Variants in PSD3 observed in about 807,000 individuals in gnomAD.
The protein encoded by PSD3 is pleckstrin and Sec7 domain containing 3, also known as PH and SEC7 domain-containing protein 3.
Under a neutral mutation model 105.5 loss-of-function variants are expected in PSD3, and 49 were observed. That is an observed-to-expected ratio of 0.46 (90% CI 0.37 to 0.59). PSD3 has a LOEUF of 0.59. PSD3 is among the 20% of genes least tolerant of loss of function. The pLI is 0.00. For synonymous variants in PSD3, 557 were observed against 457.8 expected (o/e 1.22, Z -2.77); for missense variants, 1,561 against 1,263.8 (o/e 1.24, Z -3.57).
rs1817421538 is a variant in PSD3 at position 18,872,283 on chromosome 8, A to G, written c.581T>C (p.Leu194Ser). The change falls in exon 3 of 16, where the codon TTA (leucine) becomes TCA (serine). Residue 194 changes from leucine to serine, a missense_variant. Physicochemically the swap from Leu to Ser is moderately radical, Grantham distance 145. Coordinates refer to ENST00000327040, the MANE Select transcript of PSD3 (RefSeq NM_015310.4). ...NKTLPAGQKN[L>S]PEIPLSAEVT... ...TTCAGCTGAAAGAGGTATTTCTGGT[A>G]AATTTTTTTGGCCAGCAGGGAGCGT... 1 of 1,614,076 alleles carries G rather than the reference A, an allele frequency of 6.2e-7. No individual in the cohort carries two copies. Among genetic ancestry groups the G allele is most frequent in the African/African-American group, 1.3e-5 (1 of 74,938 alleles).
At chr8:19,029,920 A>G (rs1256736949) in intron 1 of PSD3, among the ~76,000 whole-genome samples, 1 of 152,148 alleles carries the variant, frequency 6.6e-6, no homozygotes, top group Admixed American at 6.5e-5. Context: ...CTTAATAATG[A>G]TTTTCTACAT....
chr8:18,805,041 T>C (rs1811081925), intron 4 of PSD3, 143 bp from the exon 5 acceptor site: 1 of 759,588 alleles, frequency 1.3e-6, no homozygotes, highest in South Asian at 2.2e-5. Context: ...CATAAAAATT[T>C]TTTCAGTTAC....
intron 1 of PSD3, among the ~76,000 whole-genome samples, chr8:19,026,954 T>C (rs1252735990): frequency 6.6e-6 from 1 of 152,170 alleles, no homozygotes; most frequent in Non-Finnish European, 1.5e-5. Context: ...GAATTCTCTC[T>C]TCTTATTTTG....
chr8:18,619,998 G>C (rs1426306247), intron 11 of PSD3, among the ~76,000 whole-genome samples: 1 of 152,154 alleles, frequency 6.6e-6, no homozygotes, highest in Non-Finnish European at 1.5e-5. Context: ...AGTCTGAAAA[G>C]AGACATTTAT....
At chr8:18,668,434 C>A (rs970787652) in intron 9 of PSD3, among the ~76,000 whole-genome samples, 3 of 152,108 alleles carry the variant, frequency 2.0e-5, no homozygotes, top group Non-Finnish European at 4.4e-5. Context: ...TCAATGAGGC[C>A]CCACTATGTG....
intron 12 of PSD3, among the ~76,000 whole-genome samples, chr8:18,581,149 C>T (rs1802789709): frequency 6.6e-6 from 1 of 152,258 alleles, no homozygotes; most frequent in South Asian, 2.1e-4. Context: ...TATGAAGTTA[C>T]TACCCAAATG....
intron 9 of PSD3, among the ~76,000 whole-genome samples, chr8:18,662,785 A>G (rs1332799658): frequency 6.6e-6 from 1 of 152,172 alleles, no homozygotes; most frequent in Non-Finnish European, 1.5e-5. Flanking sequence ...TCCTCACTAA[A>G]TATTTTTTGC....
chr8:18,675,762 A>T (rs889904835), intron 9 of PSD3, among the ~76,000 whole-genome samples: 1 of 152,224 alleles, frequency 6.6e-6, no homozygotes, highest in Admixed American at 6.5e-5. Flanking sequence ...AATCTTAATT[A>T]AAATTAATGT....
chr8:19,038,434 CT>C (rs1369704246), intron 1 of PSD3, among the ~76,000 whole-genome samples: 1 of 152,130 alleles, frequency 6.6e-6, no homozygotes. Flanking sequence ...TCTATTCCCC[CT>C]AGACCCCACA....
intron 9 of PSD3, among the ~76,000 whole-genome samples, chr8:18,667,105 G>C (rs897635967): frequency 4.6e-5 from 7 of 152,136 alleles, no homozygotes; most frequent in Non-Finnish European, 1.0e-4. Flanking sequence ...AGGCAGTGTG[G>C]AAGGGGACCC....
chr8:18,628,810 A>T (rs1563397116), intron 11 of PSD3, among the ~76,000 whole-genome samples: 1 of 151,890 alleles, frequency 6.6e-6, no homozygotes, highest in Non-Finnish European at 1.5e-5. Flanking sequence ...AAAATAATTA[A>T]AGAAGTACAG....
intron 9 of PSD3, among the ~76,000 whole-genome samples, chr8:18,672,729 T>C (rs1248504736): frequency 2.0e-5 from 3 of 152,226 alleles, no homozygotes; most frequent in Admixed American, 6.5e-5. Context: ...CTTTCACTGA[T>C]ATTTTGCTAT....
At chr8:18,919,560 C>T (rs1347900354) in intron 2 of PSD3, among the ~76,000 whole-genome samples, 5 of 151,876 alleles carry the variant, frequency 3.3e-5, no homozygotes, top group Non-Finnish European at 5.9e-5. Flanking sequence ...GGAAACAGAT[C>T]GTTGGCTTGC....
chr8:18,866,507 G>C (rs1443671779), intron 4 of PSD3, among the ~76,000 whole-genome samples: 1 of 152,204 alleles, frequency 6.6e-6, no homozygotes, highest in Non-Finnish European at 1.5e-5. Context: ...TCCAGTTTCA[G>C]AGAACGTAAG....
intron 9 of PSD3, among the ~76,000 whole-genome samples, chr8:18,761,029 C>T (rs7012651): frequency 0.24 from 36,493 of 152,118 alleles, 6,691 homozygotes; most frequent in East Asian, 0.48. Context: ...AAAGGTTCTT[C>T]AAGATTCCAG....
chr8:18,881,371 G>C (rs1818091336), intron 2 of PSD3, among the ~76,000 whole-genome samples: 1 of 152,134 alleles, frequency 6.6e-6, no homozygotes, highest in Non-Finnish European at 1.5e-5. Context: ...AAATAAGCCT[G>C]TTCCATAAGA....
intron 1 of PSD3, among the ~76,000 whole-genome samples, chr8:19,050,011 A>G (rs1586668245): frequency 6.6e-6 from 1 of 152,364 alleles, no homozygotes; most frequent in East Asian, 1.9e-4. Context: ...CAAATAAGCC[A>G]GGGCTTTGAA....
intron 11 of PSD3, among the ~76,000 whole-genome samples, chr8:18,617,804 A>G (rs969076084): frequency 2.0e-5 from 3 of 152,188 alleles, no homozygotes; most frequent in African/African-American, 7.2e-5. Flanking sequence ...GCACTAAGAT[A>G]CCAATTTCAA....
rs17127461 is a variant in PSD3 at position 18,932,913 on chromosome 8, T to C, written c.130+3121A>G. On this transcript the variant is annotated intron_variant, in intron 2 of 15. Transcript: ENST00000327040. The stretch of plus-strand genomic sequence containing the variant: ...TCATCCTTCAAGACCAAGTTCAACT[T>C]CCACCTCCTCCATGAAGTTATCACC... Among the ~76,000 whole-genome samples, 1,775 of 152,314 alleles carry C rather than the reference T, an allele frequency of 0.012. 46 individuals are homozygous for C. In the East Asian group the frequency reaches 0.12, roughly 10 times the overall value.
Sources: allele counts gnomAD v4.1 joint callset (sites outside exome capture counted in the v4.1 genomes callset), GRCh38; gene constraint gnomAD v4.1.1; transcripts MANE v1.5; gene names NCBI Gene and HGNC (gene_info 2026-07-23, HGNC 2026-07-21).